Variants in UBOX5 observed in about 807,000 individuals in gnomAD.
UBOX5 encodes the protein RING finger protein 37.
In UBOX5, 28 loss-of-function variants were observed where a neutral mutation model predicts 39.0. The observed-to-expected ratio is 0.72, with a 90% CI of 0.53 to 0.98. UBOX5 has a LOEUF of 0.98. UBOX5 is among the 50% of genes least tolerant of loss of function. UBOX5 has a pLI of 0.00. For missense variants in UBOX5, 585 were observed against 674.4 expected (o/e 0.87, Z 1.47); for synonymous variants, 283 against 275.5 (o/e 1.03, Z -0.27).
In UBOX5 at chr20:3,110,273, T is replaced by C. The variant is rs2066243396; in HGVS notation, c.1459A>G (p.Lys487Glu). The stretch of plus-strand genomic sequence containing the variant: ...TTGAAGTAGGGAGAAAATACTCTTT[T>C]GCAGGAGGCACATTCGGGGCCCAGG... The part of the protein sequence containing the change: ...SILGPECASC[K>E]RVFSPYFKKE... Residue 487 changes from lysine to glutamate, a missense_variant, in exon 5 of 5, where the codon AAA becomes GAA. Transcript: ENST00000217173. The C allele has an allele frequency of 6.2e-7, 1 of 1,614,164 alleles. No homozygotes were observed. Among genetic ancestry groups the C allele is most frequent in the Non-Finnish European group, 8.5e-7 (1 of 1,180,024 alleles).
chr20:3,142,701 T>TGGC (rs2066527590), intron 1 of UBOX5, among the ~76,000 whole-genome samples: 1 of 127,980 alleles, frequency 7.8e-6, no homozygotes, highest in Non-Finnish European at 1.6e-5. Context: ...TGTACCTGGG[T>TGGC]GGCAGAAGCT....
Position 3,151,068 on chromosome 20 carries a change from T to TTG in UBOX5, c.-42+8696_-42+8697dup, listed in dbSNP as rs142154039. ...AGTTAGTGTGTGTTTGTGTGTGTGT[T>TTG]TGTGTGTGTGTGTGTGTGGAGATGG... On this transcript the variant is annotated intron_variant, in intron 1 of 4. Transcript: ENST00000217173. Among the ~76,000 whole-genome samples the TTG allele has an allele frequency of 5.5e-3, 822 of 149,468 alleles. 8 individuals carry two copies. Among genetic ancestry groups the TTG allele is most frequent in the East Asian group, 5.7e-3 (29 of 5,130 alleles).
intron 3 of UBOX5, 69 bp downstream of exon 3, chr20:3,121,315 G>A (rs2066333351): frequency 6.5e-7 from 1 of 1,541,206 alleles, no homozygotes; most frequent in Non-Finnish European, 8.7e-7. Context: ...AAAGCAAAGG[G>A]CAGCAGAGCT....
chr20:3,146,123 C>G (rs917419008), intron 1 of UBOX5, among the ~76,000 whole-genome samples: 1 of 151,762 alleles, frequency 6.6e-6, no homozygotes, highest in East Asian at 1.9e-4. Context: ...GGCGGATCAC[C>G]GGAAGTCAGG....
Position 3,148,785 on chromosome 20 carries a change from G to A in UBOX5, c.-42+10981C>T, listed in dbSNP as rs199708716. 63 of 1,614,106 alleles carry A rather than the reference G, an allele frequency of 3.9e-5. No homozygotes were observed. The highest frequency in any genetic ancestry group is 4.4e-5 in the Non-Finnish European group (52 of 1,180,042). ...TCTTCATCAACTCCTGTGGCCCTGG[G>A]TGAGCCCAGCTGCAATGTACTGGCC... On this transcript the variant is annotated intron_variant, in intron 1 of 4. Transcript: ENST00000217173.
intron 1 of UBOX5, chr20:3,148,244 A>C (rs778326446): frequency 6.2e-7 from 1 of 1,613,352 alleles, no homozygotes; most frequent in Non-Finnish European, 8.5e-7. Flanking sequence ...AGACAAGGAT[A>C]GATCCTTCCA....
intron 1 of UBOX5, among the ~76,000 whole-genome samples, chr20:3,133,732 G>T (rs1308152799): frequency 6.9e-6 from 1 of 144,936 alleles, no homozygotes; most frequent in East Asian, 1.9e-4. Flanking sequence ...CAAGGGGTAA[G>T]CTCTTTTTTT....
intron 1 of UBOX5, among the ~76,000 whole-genome samples, chr20:3,123,660 T>C (rs1315892945): frequency 6.6e-6 from 1 of 152,120 alleles, no homozygotes; most frequent in East Asian, 1.9e-4. Context: ...CCAACAGCTG[T>C]TCCAAAGACC....
intron 1 of UBOX5, among the ~76,000 whole-genome samples, chr20:3,152,683 G>A (rs899239252): frequency 8.6e-5 from 13 of 151,972 alleles, no homozygotes; most frequent in Non-Finnish European, 1.8e-4. Flanking sequence ...CAAGGTGGGC[G>A]GACCACTTGA....
At position 3,149,855 on chromosome 20, in the gene UBOX5, T is replaced by TA. The variant is rs1204389863; in HGVS notation, c.-42+9910dup. On this transcript the variant is annotated intron_variant, in intron 1 of 4. Coordinates refer to ENST00000217173, the MANE Select transcript of UBOX5 (RefSeq NM_014948.4). The surrounding 1 kb of genome is among the most constrained non-coding windows in gnomAD (Gnocchi z 4.1). The stretch of plus-strand genomic sequence containing the variant: ...CAACAAGGCGAAATCCCGTCTCTAT[T>TA]AAAAATACAAAAAATTACCCAGGTG... Among the ~76,000 whole-genome samples the TA allele has an allele frequency of 6.6e-6, 1 of 151,916 alleles. No homozygotes were observed. Among genetic ancestry groups the TA allele is most frequent in the Non-Finnish European group, 1.5e-5 (1 of 67,970 alleles).
At chr20:3,125,391 G>C (rs1216153501) in intron 1 of UBOX5, among the ~76,000 whole-genome samples, 3 of 134,966 alleles carry the variant, frequency 2.2e-5, no homozygotes, top group Non-Finnish European at 4.7e-5. Context: ...CGTCTGGGAG[G>C]TGAGGAGCGC....
At position 3,118,130 on chromosome 20, in the gene UBOX5, C is replaced by T. The variant is rs999448297; in HGVS notation, c.1256-2664G>A. 4.6e-5 allele frequency among the ~76,000 whole-genome samples: 7 copies of T among 152,194 alleles called. No homozygotes were observed. In the South Asian group the frequency reaches 6.2e-4, roughly 14 times the overall value. Reference sequence around the variant, plus strand: ...CAGAGATTGCGTCACTGCTGCACTCCAGCCTGGGCGACAGAGGGAGACTGT... The same window carrying T: ...CAGAGATTGCGTCACTGCTGCACTCTAGCCTGGGCGACAGAGGGAGACTGT... On this transcript the variant is annotated intron_variant, in intron 3 of 4. Coordinates refer to ENST00000217173, the MANE Select transcript of UBOX5 (RefSeq NM_014948.4).
intron 1 of UBOX5, among the ~76,000 whole-genome samples, chr20:3,131,285 A>C (rs987829090): frequency 3.3e-5 from 5 of 152,036 alleles, no homozygotes; most frequent in Non-Finnish European, 2.9e-5. Flanking sequence ...AGATTGAAAT[A>C]TCATCTTTAT....
chr20:3,110,126 C>A lies in UBOX5; in HGVS notation c.1606G>T (p.Val536Leu). ...ACQRPVASQD[V>L]LRVHF Reference sequence around the variant, plus strand: ...GTCACTCAGAAGTGGACCCGCAGCACGTCTTGGCTAGCAACCGGCCGCTGG... The same window carrying A: ...GTCACTCAGAAGTGGACCCGCAGCAAGTCTTGGCTAGCAACCGGCCGCTGG... Residue 536 changes from valine (V) to leucine (L), a missense_variant, in exon 5 of 5, where the codon GTG (valine) becomes TTG (leucine). Coordinates refer to ENST00000217173, the MANE Select transcript of UBOX5 (RefSeq NM_014948.4). 6.2e-7 allele frequency: 1 copy of A among 1,612,364 alleles called. No homozygotes were observed. Among genetic ancestry groups the A allele is most frequent in the Non-Finnish European group, 8.5e-7 (1 of 1,180,014 alleles).
At position 3,109,344 on chromosome 20, in the gene UBOX5, C is replaced by T. The variant is rs1287562779; in HGVS notation, c.*762G>A. The T allele has an allele frequency of 6.6e-6, 1 of 152,266 alleles. No individual in the cohort carries two copies. Among genetic ancestry groups the T allele is most frequent in the African/African-American group, 2.4e-5 (1 of 41,468 alleles). 9.4% of individuals were successfully genotyped at this position (152,266 alleles called of 1,614,324 possible). ...CCCCCTCAGGGAGCAGTTTCTGAAGCCAGCTGAGCACAGCTGGCACTGGCC... is the reference window on the plus strand; with the variant it reads ...CCCCCTCAGGGAGCAGTTTCTGAAGTCAGCTGAGCACAGCTGGCACTGGCC... On this transcript the variant is annotated 3_prime_UTR_variant, in exon 5 of 5. Coordinates refer to ENST00000217173, the MANE Select transcript of UBOX5 (RefSeq NM_014948.4).
chr20:3,114,905 G>A (rs1174527755), intron 4 of UBOX5, among the ~76,000 whole-genome samples: 1 of 152,128 alleles, frequency 6.6e-6, no homozygotes, highest in African/African-American at 2.4e-5. Context: ...CTGAGACTGT[G>A]CCACTGCACT....
intron 1 of UBOX5, among the ~76,000 whole-genome samples, chr20:3,151,174 A>G (rs751614338): frequency 6.6e-6 from 1 of 152,072 alleles, no homozygotes; most frequent in Non-Finnish European, 1.5e-5. Context: ...AAGTGCTAGT[A>G]TTACAGGCAT....
intron 1 of UBOX5, among the ~76,000 whole-genome samples, chr20:3,157,082 G>A (rs896621083): frequency 4.7e-5 from 7 of 147,844 alleles, no homozygotes; most frequent in South Asian, 2.1e-4. Flanking sequence ...GCTACATGGC[G>A]AGACCCTGTC....
chr20:3,140,745 G>C (rs547582050), intron 1 of UBOX5, among the ~76,000 whole-genome samples: 74 of 151,580 alleles, frequency 4.9e-4, no homozygotes, highest in Non-Finnish European at 8.1e-4. Context: ...AGATTCAGGA[G>C]ACACATGTGC....
Sources: gnomAD v4.1 joint callset for allele counts (sites outside exome capture counted in the v4.1 genomes callset) on GRCh38, gnomAD v4.1.1 for gene constraint, Gnocchi (gnomAD v3.1) non-coding constraint, MANE v1.5 for transcripts, NCBI Gene and HGNC (gene_info 2026-07-23, HGNC 2026-07-21) for gene names.